TRIO: variants seen among roughly 807,000 people sequenced by gnomAD.
TRIO encodes trio Rho guanine nucleotide exchange factor.
TRIO carries 58 observed loss-of-function variants against 351.9 expected under a neutral mutation model. The observed-to-expected ratio is 0.16, with a 90% CI of 0.13 to 0.21. The LOEUF is 0.21. TRIO is among the 10% of genes least tolerant of loss of function. TRIO has a pLI of 1.00. For missense variants in TRIO, 3,201 were observed against 4,027.8 expected (o/e 0.79, Z 5.56); for synonymous variants, 1,758 against 1,595.7 (o/e 1.10, Z -2.42).
chr5:14,335,511 A>G (rs1741315103), intron 10 of TRIO, among the ~76,000 whole-genome samples: 2 of 152,178 alleles, frequency 1.3e-5, no homozygotes, highest in South Asian at 2.1e-4. Context: ...CTGTAACAGC[A>G]TCAGGGCTCT....
intron 11 of TRIO, among the ~76,000 whole-genome samples, chr5:14,337,615 G>T (rs1579362625): frequency 1.3e-5 from 2 of 152,284 alleles, no homozygotes; most frequent in East Asian, 3.9e-4. Context: ...GGACTACTGG[G>T]GAAAGAGGGG....
At chr5:14,173,837 T>C (rs879568746) in intron 1 of TRIO, among the ~76,000 whole-genome samples, 2 of 152,218 alleles carry the variant, frequency 1.3e-5, no homozygotes, top group African/African-American at 2.4e-5. Context: ...TTTCCACATG[T>C]AAATTAGAAG....
At chr5:14,479,189 G>A (rs779981338) in intron 41 of TRIO, 72 bp from the exon 42 acceptor site, 4 of 1,268,442 alleles carry the variant, frequency 3.2e-6, no homozygotes, top group East Asian at 4.7e-5. Flanking sequence ...GTGCTGAAAT[G>A]TGCGGGTACT....
chr5:14,471,135 CTA>C (rs1378157149), intron 37 of TRIO, among the ~76,000 whole-genome samples, 181 bp from the exon 38 acceptor site: 4 of 151,954 alleles, frequency 2.6e-5, no homozygotes, highest in African/African-American at 7.3e-5. Context: ...TCCTTTGACT[CTA>C]TTTTTTTATT....
chr5:14,472,379 G>C (rs1754754811), intron 38 of TRIO, among the ~76,000 whole-genome samples: 1 of 152,158 alleles, frequency 6.6e-6, no homozygotes, highest in Non-Finnish European at 1.5e-5. Context: ...CTCATGCACT[G>C]TGCCTAGGTG....
At chr5:14,398,021 G>C (rs1747759164) in intron 29 of TRIO, among the ~76,000 whole-genome samples, 1 of 152,198 alleles carries the variant, frequency 6.6e-6, no homozygotes, top group Non-Finnish European at 1.5e-5. Flanking sequence ...GGAAACTCCA[G>C]ATGGGCAGAC....
intron 1 of TRIO, among the ~76,000 whole-genome samples, chr5:14,192,256 TCTTC>T (rs1464750069): frequency 6.7e-6 from 1 of 149,350 alleles, no homozygotes; most frequent in African/African-American, 2.5e-5. Context: ...TTTTTTTCCT[TCTTC>T]TTTTTTTTTT....
intron 34 of TRIO, among the ~76,000 whole-genome samples, chr5:14,444,156 A>G (rs1004472925): frequency 6.6e-6 from 1 of 152,128 alleles, no homozygotes; most frequent in Non-Finnish European, 1.5e-5. Flanking sequence ...TATAAATTAA[A>G]GGGAAACATT....
At chr5:14,384,723 T>G (rs751057110) in intron 21 of TRIO, among the ~76,000 whole-genome samples, 12 of 152,098 alleles carry the variant, frequency 7.9e-5, no homozygotes, top group Non-Finnish European at 1.3e-4. Context: ...TGGAGAAATT[T>G]GTCTAAATGA....
At chr5:14,278,771 A>C (rs1032791880) in intron 2 of TRIO, among the ~76,000 whole-genome samples, 1 of 152,262 alleles carries the variant, frequency 6.6e-6, no homozygotes, top group African/African-American at 2.4e-5. Context: ...GATAATGAGC[A>C]GTACTGCTTC....
At chr5:14,357,059 T>G (rs1297130128) in intron 11 of TRIO, among the ~76,000 whole-genome samples, 1 of 152,220 alleles carries the variant, frequency 6.6e-6, no homozygotes, top group Non-Finnish European at 1.5e-5. Flanking sequence ...CATTGGACAC[T>G]TTACATTTGT....
Position 14,496,964 on chromosome 5 carries a change from G to C in TRIO, c.7966G>C (p.Glu2656Gln). 6.2e-7 allele frequency: 1 copy of C among 1,614,222 alleles called. No individual in the cohort carries two copies. The highest frequency in any genetic ancestry group is 2.2e-5 in the East Asian group (1 of 44,878). ...DKDGKREGKL[E>Q]NGYRKSREGL... is the part of the protein sequence containing the mutation. ...AGACGGCAAAAGGGAAGGCAAGTTA[G>C]AGAACGGTTATCGGAAGTCACGGGA... The change falls in exon 50 of 57, where the codon GAG becomes CAG. Residue 2656 changes from glutamate to glutamine, a missense_variant. Transcript: ENST00000344204.
chr5:14,305,538 C>T (rs988495383), intron 8 of TRIO, among the ~76,000 whole-genome samples: 4 of 152,242 alleles, frequency 2.6e-5, no homozygotes, highest in Admixed American at 2.0e-4. Flanking sequence ...GTAAGAGTTT[C>T]ACAGCACCTG....
In TRIO at chr5:14,358,344, T is replaced by A; in HGVS notation, c.2213T>A (p.Leu738His). The change falls in exon 12 of 57, where the codon CTC becomes CAC. Residue 738 changes from leucine (L) to histidine (H), a missense_variant. Leu to His is a moderately conservative substitution (Grantham distance 99). This residue lies in a region of TRIO where 363 missense variants were observed against 553.5 expected (regional missense o/e 0.66). Coordinates refer to ENST00000344204, the MANE Select transcript of TRIO (RefSeq NM_007118.4). Reference protein sequence around the residue: ...IKEGEDLIQQLRDSAISSNKT... With the variant: ...IKEGEDLIQQHRDSAISSNKT... ...GAAGGGGAGGACCTCATCCAGCAGC[T>A]CAGGTGGGCCTCACCCCTCTCCTGG... 1.2e-6 allele frequency: 2 copies of A among 1,613,960 alleles called. No homozygotes were observed. Among genetic ancestry groups the A allele is most frequent in the Non-Finnish European group, 1.7e-6 (2 of 1,179,914 alleles).
chr5:14,415,651 G>A (rs573929957), intron 33 of TRIO, among the ~76,000 whole-genome samples: 2 of 152,152 alleles, frequency 1.3e-5, no homozygotes, highest in Non-Finnish European at 2.9e-5. Context: ...TGCAACCAGA[G>A]ATGAGTATTT....
At position 14,286,590 on chromosome 5, in the gene TRIO, C is replaced by G. The variant is rs908141474; in HGVS notation, c.348-281C>G. Among the ~76,000 whole-genome samples, 1 of 152,094 alleles carries G rather than the reference C, an allele frequency of 6.6e-6. No individual in the cohort carries two copies. The highest frequency in any genetic ancestry group is 6.5e-5 in the Admixed American group (1 of 15,276). On this transcript the variant is annotated intron_variant, in intron 3 of 56. Transcript: ENST00000344204. This position sits in a 1 kb window ranked among gnomAD's most constrained non-coding sequence, Gnocchi z 4.4. ...AGTCAGGAGAAATGGGCATGGTGAC[C>G]GTTGTTTTCCTGAAAAGAAGACGGG...
chr5:14,508,564 AGCAGTG>A lies in TRIO; in HGVS notation c.*143_*148del. On this transcript the variant is annotated 3_prime_UTR_variant, in exon 57 of 57. Transcript: ENST00000344204. ...ATTGCATTCCAAGTGAGCTGTGCTC[AGCAGTG>A]CTTGGACACAGAGCTGCAAGCTGCG... is the stretch of plus-strand genomic sequence containing the variant. 2.7e-6 allele frequency: 3 copies of A among 1,120,312 alleles called. No homozygotes were observed. Among genetic ancestry groups the A allele is most frequent in the South Asian group, 1.6e-5 (1 of 61,922 alleles). The allele number at this position is 1,120,312 out of a possible 1,614,324, so 69.4% of individuals were successfully genotyped here. A position where few individuals can be genotyped will look rare whatever the true frequency, so the allele number is the denominator to read the frequency against.
chr5:14,147,979 C>G (rs1159940400), intron 1 of TRIO, among the ~76,000 whole-genome samples: 1 of 152,214 alleles, frequency 6.6e-6, no homozygotes, highest in African/African-American at 2.4e-5. Context: ...TAGAGGAAAG[C>G]AAGGAGATTT....
chr5:14,159,090 C>T (rs542172678), intron 1 of TRIO, among the ~76,000 whole-genome samples: 2 of 152,206 alleles, frequency 1.3e-5, no homozygotes, highest in South Asian at 2.1e-4. Flanking sequence ...GGGTGGAATC[C>T]GCCTGTGCTG....
Sources: gnomAD v4.1 joint callset for allele counts (sites outside exome capture counted in the v4.1 genomes callset) on GRCh38, gnomAD v4.1.1 for gene constraint, gnomAD v4.1.1 regional missense constraint, Gnocchi (gnomAD v3.1) non-coding constraint, MANE v1.5 for transcripts, NCBI Gene and HGNC (gene_info 2026-07-23, HGNC 2026-07-21) for gene names.